The following SYNRG variants were observed in gnomAD, a reference collection of about 807,000 sequenced individuals.
The protein encoded by SYNRG is synergin gamma, also known as AP1 gamma subunit binding protein 1.
Under a neutral mutation model 130.9 loss-of-function variants are expected in SYNRG, and 37 were observed. The observed-to-expected ratio is 0.28, with a 90% CI of 0.22 to 0.37. The LOEUF (loss-of-function observed/expected upper bound fraction) is 0.37, where lower values mean the gene tolerates loss of function less well. SYNRG is among the 10% of genes least tolerant of loss of function. The pLI, the probability that SYNRG is intolerant of heterozygous loss-of-function variation, is 1.00. For missense variants in SYNRG, 1,338 were observed against 1,588.9 expected, an observed-to-expected ratio of 0.84 and a Z score of 2.68; for synonymous variants, 539 against 568.1, an observed-to-expected ratio of 0.95 and a Z score of 0.73.
intron 11 of SYNRG, chr17:37,567,799 A>G (rs1164791795): frequency 2.0e-5 from 3 of 152,242 alleles, no homozygotes; most frequent in Non-Finnish European, 4.4e-5. Context: ...CAGAGGAGAC[A>G]TGGAATATGT....
chr17:37,519,036 G>A lies in SYNRG; in HGVS notation c.3849C>T (p.Ala1283=). 6.2e-7 allele frequency: 1 copy of A among 1,614,222 alleles called. No homozygotes were observed. The highest frequency in any genetic ancestry group is 8.5e-7 in the Non-Finnish European group (1 of 1,180,028). Residue 1283 remains alanine, a synonymous_variant, in exon 22 of 22, where the codon GCC becomes GCT. Coordinates refer to ENST00000612223, the MANE Select transcript of SYNRG (RefSeq NM_007247.6). ...FNSETDSFKL[A]YGGHQYHASC... The stretch of plus-strand genomic sequence containing the variant: ...TGGCGTGATACTGGTGCCCTCCATA[G>A]GCCAGCTTGAAACTGTCTGTTTCTG...
intron 1 of SYNRG, among the ~76,000 whole-genome samples, chr17:37,603,636 C>A (rs2063490177): frequency 6.6e-6 from 1 of 152,188 alleles, no homozygotes; most frequent in African/African-American, 2.4e-5. Context: ...TGTCAAGAAG[C>A]AGTAACGTTT....
intron 11 of SYNRG, chr17:37,567,863 CT>C (rs2060112594): frequency 6.6e-6 from 1 of 152,212 alleles, no homozygotes; most frequent in Non-Finnish European, 1.5e-5. Flanking sequence ...ATATCGCTTA[CT>C]CTGGTGTCTG....
chr17:37,575,578 C>T (rs948320308), intron 8 of SYNRG, among the ~76,000 whole-genome samples: 5 of 151,666 alleles, frequency 3.3e-5, no homozygotes, highest in Admixed American at 1.3e-4. Flanking sequence ...CAGTGGCTCA[C>T]ACCTGTAATC....
intron 8 of SYNRG, 84 bp from the exon 9 acceptor site, chr17:37,572,071 T>G: frequency 8.3e-7 from 1 of 1,205,258 alleles, no homozygotes; most frequent in Non-Finnish European, 1.2e-6. Context: ...TATACAAGAA[T>G]AATCTTCAAC....
At chr17:37,537,852 G>A (rs924120994) in intron 18 of SYNRG, among the ~76,000 whole-genome samples, 10 of 152,298 alleles carry the variant, frequency 6.6e-5, no homozygotes, top group African/African-American at 1.7e-4. Context: ...CTCTGGCCAC[G>A]GGCCAAGCCT....
intron 19 of SYNRG, among the ~76,000 whole-genome samples, chr17:37,535,365 A>G (rs2057089175): frequency 6.6e-6 from 1 of 152,230 alleles, no homozygotes; most frequent in African/African-American, 2.4e-5. Flanking sequence ...ATGTACTTAC[A>G]TATTTCTGGT....
At chr17:37,596,528 G>C (rs1225210304) in intron 2 of SYNRG, among the ~76,000 whole-genome samples, 184 bp from the exon 3 acceptor site, 2 of 152,132 alleles carry the variant, frequency 1.3e-5, no homozygotes, top group Non-Finnish European at 2.9e-5. Flanking sequence ...GTGTGATCTT[G>C]AACAAGTTAC....
chr17:37,534,093 G>A (rs1358229087), intron 19 of SYNRG, among the ~76,000 whole-genome samples: 1 of 149,834 alleles, frequency 6.7e-6, no homozygotes, highest in Non-Finnish European at 1.5e-5. Flanking sequence ...CGCTACCATG[G>A]CCAGCTAATT....
At chr17:37,573,815 T>C (rs545708979) in intron 8 of SYNRG, among the ~76,000 whole-genome samples, 2 of 152,332 alleles carry the variant, frequency 1.3e-5, no homozygotes, top group Admixed American at 1.3e-4. Context: ...ATGTCCATAG[T>C]ACCCAAAGCA....
At chr17:37,593,727 A>G (rs537433330) in intron 3 of SYNRG, among the ~76,000 whole-genome samples, 7 of 152,182 alleles carry the variant, frequency 4.6e-5, no homozygotes, top group African/African-American at 1.4e-4. Context: ...TCTACTAAAA[A>G]TACAAAATTA....
intron 10 of SYNRG, among the ~76,000 whole-genome samples, 159 bp from the exon 11 acceptor site, chr17:37,569,083 C>T (rs2060214219): frequency 6.6e-6 from 1 of 152,202 alleles, no homozygotes; most frequent in Non-Finnish European, 1.5e-5. Flanking sequence ...TTTTTAAATA[C>T]TCTCTGGTAC....
intron 6 of SYNRG, among the ~76,000 whole-genome samples, chr17:37,583,047 G>A (rs1195701105): frequency 2.6e-5 from 4 of 151,416 alleles, no homozygotes; most frequent in Non-Finnish European, 5.9e-5. Context: ...CTGGAGTGCA[G>A]TGGCGCAGTC....
At chr17:37,555,895 G>C (rs2059085690) in intron 13 of SYNRG, among the ~76,000 whole-genome samples, 2 of 151,804 alleles carry the variant, frequency 1.3e-5, no homozygotes, top group South Asian at 4.2e-4. Context: ...GACAGAGAGA[G>C]ATTCTGTCTC....
chr17:37,589,890 G>A (rs980701470), intron 3 of SYNRG, among the ~76,000 whole-genome samples: 3 of 152,044 alleles, frequency 2.0e-5, no homozygotes, highest in African/African-American at 4.8e-5. Flanking sequence ...GAAAAGACAG[G>A]CCGGGCGCAT....
At chr17:37,563,173 T>C (rs2059670817) in intron 11 of SYNRG, among the ~76,000 whole-genome samples, 1 of 152,234 alleles carries the variant, frequency 6.6e-6, no homozygotes, top group Non-Finnish European at 1.5e-5. Flanking sequence ...GTAATCACCA[T>C]GAAAGTGTTT....
chr17:37,550,672 G>GA (rs2058642034), intron 14 of SYNRG, among the ~76,000 whole-genome samples: 1 of 138,744 alleles, frequency 7.2e-6, no homozygotes, highest in Non-Finnish European at 1.6e-5. Flanking sequence ...TGTCTAAATT[G>GA]AAAAAAAGAC....
chr17:37,596,108 C>T (rs775518708), intron 3 of SYNRG, 115 bp downstream of exon 3: 1 of 1,216,518 alleles, frequency 8.2e-7, no homozygotes, highest in Non-Finnish European at 1.1e-6. Context: ...TGAAGGAAGC[C>T]ATTTATTTAT....
intron 19 of SYNRG, among the ~76,000 whole-genome samples, chr17:37,524,524 C>T (rs556956661): frequency 6.6e-6 from 1 of 152,344 alleles, no homozygotes; most frequent in African/African-American, 2.4e-5. Context: ...TGCAAAAGGA[C>T]TCTGGTGTAG....
Sources: gnomAD v4.1 joint callset for allele counts (sites outside exome capture counted in the v4.1 genomes callset) on GRCh38, gnomAD v4.1.1 for gene constraint, MANE v1.5 for transcripts, NCBI Gene and HGNC (gene_info 2026-07-23, HGNC 2026-07-21) for gene names.